MDN1: variants seen among roughly 807,000 people sequenced by gnomAD.
The protein encoded by MDN1 is midasin AAA ATPase 1, also known as midasin.
Under a neutral mutation model 669.2 loss-of-function variants are expected in MDN1, and 266 were observed. The observed-to-expected ratio is 0.40, with a 90% confidence interval of 0.36 to 0.44. The LOEUF is 0.44. Ranked by LOEUF, MDN1 falls within the 20% of genes least tolerant of loss-of-function variation. The probability of loss-of-function intolerance (pLI) is 1.00; values close to 1 mark genes in which losing one functional copy is unlikely to be tolerated. For synonymous variants in MDN1, 2,385 were observed against 2,457.1 expected, an observed-to-expected ratio of 0.97 and a Z score of 0.87; for missense variants, 5,940 against 6,754.0, an observed-to-expected ratio of 0.88 and a Z score of 4.22.
At chr6:89,755,606 C>T (rs182071376) in intron 20 of MDN1, among the ~76,000 whole-genome samples, 230 of 152,262 alleles carry the variant, frequency 1.5e-3, no homozygotes, top group African/African-American at 5.3e-3. Flanking sequence ...AATACACAAA[C>T]ACACAGTAAA....
At chr6:89,707,498 G>T in intron 51 of MDN1, 22 bp from the exon 52 acceptor site, 1 of 1,380,098 alleles carries the variant, frequency 7.2e-7, no homozygotes, top group Non-Finnish European at 1.0e-6. Flanking sequence ...TTCAAAAAAC[G>T]TAACAAATAG....
At chr6:89,757,569 C>T (rs763159193) in intron 19 of MDN1, among the ~76,000 whole-genome samples, 5 of 152,252 alleles carry the variant, frequency 3.3e-5, no homozygotes, top group South Asian at 4.1e-4. Flanking sequence ...CCTCTATCAG[C>T]GGCAATTTCA....
chr6:89,751,936 T>G (rs991694026), intron 22 of MDN1, among the ~76,000 whole-genome samples: 1 of 152,034 alleles, frequency 6.6e-6, no homozygotes, highest in African/African-American at 2.4e-5. Context: ...AAAGGGCCAG[T>G]GTTGTAGTAA....
chr6:89,652,766 G>A (rs1584089883), intron 94 of MDN1, among the ~76,000 whole-genome samples: 1 of 152,292 alleles, frequency 6.6e-6, no homozygotes. Flanking sequence ...TCACAGACAG[G>A]TCAGGGCACT....
rs576325770 is a variant in MDN1 at position 89,787,976 on chromosome 6, A to C, written c.1231-19T>G. 3 of 1,566,212 alleles carry C rather than the reference A, an allele frequency of 1.9e-6. No homozygotes were observed. Among genetic ancestry groups the C allele is most frequent in the South Asian group, 2.2e-5 (2 of 89,642 alleles). ...CAGAAACCTAAATCAGATAACAACAACCGCACTGATAAAGTAAAGCTATTA... is the reference window on the plus strand; with the variant it reads ...CAGAAACCTAAATCAGATAACAACACCCGCACTGATAAAGTAAAGCTATTA... On this transcript the variant is annotated intron_variant, in intron 7 of 101. Transcript: ENST00000369393.
At position 89,668,202 on chromosome 6, in the gene MDN1, AAAG is replaced by A. The variant is rs376569649; in HGVS notation, c.13957-54_13957-52del. On this transcript the variant is annotated intron_variant, in intron 83 of 101. Coordinates refer to ENST00000369393, the MANE Select transcript of MDN1 (RefSeq NM_014611.3). ...ACAATTAGGCACAAAAGCAATTTTA[AAAG>A]GAGATTTCATTCTTGCCACAGGAAA... is the stretch of plus-strand genomic sequence containing the variant. 67 of 1,603,078 alleles carry A rather than the reference AAAG, an allele frequency of 4.2e-5. No homozygotes were observed. The East Asian group carries it at 5.8e-4, about 14-fold the overall frequency.
At chr6:89,769,200 A>G (rs1271013333) in intron 15 of MDN1, among the ~76,000 whole-genome samples, 1 of 152,216 alleles carries the variant, frequency 6.6e-6, no homozygotes, top group Admixed American at 6.5e-5. Flanking sequence ...TCCCTATCCC[A>G]TCTCCTTACC....
intron 8 of MDN1, among the ~76,000 whole-genome samples, chr6:89,787,404 C>T (rs1343753991): frequency 6.6e-6 from 1 of 152,182 alleles, no homozygotes; most frequent in Admixed American, 6.6e-5. Context: ...CTATCATTAT[C>T]ACCATCATGG....
In MDN1 at chr6:89,707,468, A is replaced by G; in HGVS notation, c.7907T>C (p.Ile2636Thr). 1 of 1,605,788 alleles carries G rather than the reference A, an allele frequency of 6.2e-7. No individual in the cohort carries two copies. Among genetic ancestry groups the G allele is most frequent in the Non-Finnish European group, 8.5e-7 (1 of 1,172,524 alleles). Residue 2636 changes from isoleucine (I) to threonine (T), a missense_variant, in exon 52 of 102, where the codon ATA becomes ACA. Ile to Thr is a moderately conservative substitution (Grantham distance 89). Around this residue, in one of 5 missense-constraint regions of MDN1, gnomAD observed 2,292 missense variants for 2,638.3 expected, o/e 0.87. Coordinates refer to ENST00000369393, the MANE Select transcript of MDN1 (RefSeq NM_014611.3). ...AACCCGTTTTTCCCGGTCAAGATATATGATTGTCCTGGAATGAGATTCAAA... is the reference window on the plus strand; with the variant it reads ...AACCCGTTTTTCCCGGTCAAGATATGTGATTGTCCTGGAATGAGATTCAAA... ...LLESAANKTI[I>T]YLDREKRVFT...
At chr6:89,797,763 G>A in intron 2 of MDN1, 1 of 343,950 alleles carries the variant, frequency 2.9e-6, no homozygotes, top group South Asian at 2.4e-5. Flanking sequence ...ATCAATACCA[G>A]GTCTAAGGCC....
Position 89,756,284 on chromosome 6 carries a change from T to A in MDN1, c.2809A>T (p.Ile937Phe). 6.5e-7 allele frequency: 1 copy of A among 1,531,514 alleles called. No homozygotes were observed. The highest frequency in any genetic ancestry group is 1.2e-5 in the South Asian group (1 of 81,186). 94.9% of individuals were successfully genotyped at this position (1,531,514 alleles called of 1,614,324 possible). A position where few individuals can be genotyped will look rare whatever the true frequency, so the allele number is the denominator to read the frequency against. The change falls in exon 20 of 102, where the codon ATC becomes TTC. Residue 937 changes from isoleucine (I) to phenylalanine (F), a missense_variant. Physicochemically the swap from Ile to Phe is conservative, Grantham distance 21 (BLOSUM62 0). This residue lies in a region of MDN1 where 1,203 missense variants were observed against 1,268.9 expected (regional missense o/e 0.95). Coordinates refer to ENST00000369393, the MANE Select transcript of MDN1 (RefSeq NM_014611.3). ...LSVNKNTVQGIINFYTALRKE... is the reference protein window; with the variant it reads ...LSVNKNTVQGFINFYTALRKE... Reference sequence around the variant, plus strand: ...ATACAAAAGGGAACCTACTTTATGATTCCTTGCACTGTATTCTTGTTCACA... The same window carrying A: ...ATACAAAAGGGAACCTACTTTATGAATCCTTGCACTGTATTCTTGTTCACA...
chr6:89,750,381 AG>A lies in MDN1; in HGVS notation c.3378del (p.Ser1127ProfsTer16), dbSNP rs769189895. 1 of 1,612,440 alleles carries A rather than the reference AG, an allele frequency of 6.2e-7. No individual in the cohort carries two copies. Among genetic ancestry groups the A allele is most frequent in the Non-Finnish European group, 8.5e-7 (1 of 1,178,526 alleles). On this transcript the variant is annotated frameshift_variant, in exon 24 of 102. Transcript: ENST00000369393. LOFTEE classifies it high-confidence loss of function. ...IQEYIGCYTS[D>X]SSGKLVFKEG... The stretch of plus-strand genomic sequence containing the variant: ...TCCTTAAAGACAAGCTTCCCTGAGG[AG>A]TCAGACGTGTAACAACCAATGTACT...
chr6:89,752,851 A>G (rs1817023953), intron 22 of MDN1, among the ~76,000 whole-genome samples: 1 of 152,156 alleles, frequency 6.6e-6, no homozygotes, highest in African/African-American at 2.4e-5. Context: ...TGGGCCGGGC[A>G]CGGTGACTCA....
chr6:89,804,784 C>G (rs1767901357), intron 1 of MDN1, among the ~76,000 whole-genome samples: 2 of 152,128 alleles, frequency 1.3e-5, no homozygotes, highest in African/African-American at 4.8e-5. Context: ...GTAATCCCAG[C>G]ACTTTGGGAG....
At chr6:89,815,268 G>A (rs1768744257) in intron 1 of MDN1, 1 of 447,118 alleles carries the variant, frequency 2.2e-6, no homozygotes, top group Non-Finnish European at 4.3e-6. Flanking sequence ...CAGCGCATCT[G>A]ATAGTGACCT....
At position 89,740,356 on chromosome 6, in the gene MDN1, G is replaced by C; in HGVS notation, c.4471C>G (p.Leu1491Val). The C allele has an allele frequency of 6.3e-7, 1 of 1,587,646 alleles. No homozygotes were observed. Among genetic ancestry groups the C allele is most frequent in the Non-Finnish European group, 8.5e-7 (1 of 1,172,768 alleles). ...LNSVLEVEKS[L>V]VLAEKGSPED... is the part of the protein sequence containing the mutation. The stretch of plus-strand genomic sequence containing the variant: ...GGACTGCCTTTTTCAGCTAATACCA[G>C]AGACTTTTCTACTTCAAGGACACTA... The change falls in exon 32 of 102, where the codon CTG becomes GTG. Residue 1491 changes from leucine (L) to valine (V), a missense_variant. Transcript: ENST00000369393.
rs1201388757 is a variant in MDN1 at position 89,648,708 on chromosome 6, C to T, written c.16207-379G>A. Among the ~76,000 whole-genome samples the T allele has an allele frequency of 2.0e-5, 3 of 151,980 alleles. No individual in the cohort carries two copies. The East Asian group carries it at 5.8e-4, about 29-fold the overall frequency. On this transcript the variant is annotated intron_variant, in intron 97 of 101. Coordinates refer to ENST00000369393, the MANE Select transcript of MDN1 (RefSeq NM_014611.3). ...CACAGCAAGACCCCACATCTGTGGTCCCAGCTACTTGGGAGGCTGAGGTAG... is the reference window on the plus strand; with the variant it reads ...CACAGCAAGACCCCACATCTGTGGTTCCAGCTACTTGGGAGGCTGAGGTAG...
Position 89,762,374 on chromosome 6 carries a change from T to C in MDN1, c.2301A>G (p.Leu767=), listed in dbSNP as rs114281969. Reference sequence around the variant, plus strand: ...CAGCAGACTTGTGTACATGCTGCATTAGTCTCAGGAGATCATGCCACCGTT... The same window carrying C: ...CAGCAGACTTGTGTACATGCTGCATCAGTCTCAGGAGATCATGCCACCGTT... The part of the protein sequence containing the change: ...RQKRWHDLLR[L]MQHVHKSAVN... The change falls in exon 16 of 102, where the codon CTA becomes CTG. Residue 767 remains leucine, a synonymous_variant. Coordinates refer to ENST00000369393, the MANE Select transcript of MDN1 (RefSeq NM_014611.3). 5.0e-3 allele frequency: 8,013 copies of C among 1,614,166 alleles called. 43 individuals carry two copies. The highest frequency in any genetic ancestry group is 0.046 in the Middle Eastern group (276 of 6,062).
In MDN1 at chr6:89,693,112, T is replaced by G; in HGVS notation, c.9918A>C (p.Leu3306Phe). ...CCTGTTTCTTCAACAGGTGACAGGT[T>G]AAATTATCCAGCCGATCCATCCTTT... ...LRQRMDRLDN[L>F]TCHLLKKQAF... The change falls in exon 63 of 102, where the codon TTA becomes TTC. Residue 3306 changes from leucine (L) to phenylalanine (F), a missense_variant. Leu to Phe is a conservative substitution (Grantham distance 22). Transcript: ENST00000369393. 6.2e-7 allele frequency: 1 copy of G among 1,608,400 alleles called. No homozygotes were observed. The highest frequency in any genetic ancestry group is 2.2e-5 in the East Asian group (1 of 44,840).
Sources: allele counts gnomAD v4.1 joint callset (sites outside exome capture counted in the v4.1 genomes callset), GRCh38; gene constraint gnomAD v4.1.1; regional missense constraint gnomAD v4.1.1; transcripts MANE v1.5; gene names NCBI Gene and HGNC (gene_info 2026-07-23, HGNC 2026-07-21).